The following ZC3H12B variants were observed in gnomAD, a reference collection of about 807,000 sequenced individuals.
ZC3H12B encodes the protein zinc finger CCCH-type containing 12B.
ZC3H12B carries 7 observed loss-of-function variants against 43.9 expected under a neutral mutation model. That is an observed-to-expected ratio of 0.16 (90% CI 0.09 to 0.30). ZC3H12B has a LOEUF of 0.30. Among genes scored for constraint, ZC3H12B ranks in the 10% least tolerant of loss-of-function variants. ZC3H12B has a pLI of 1.00. For synonymous variants in ZC3H12B, 222 were observed against 241.7 expected (o/e 0.92, Z 0.76); for missense variants, 475 against 670.2 (o/e 0.71, Z 3.22).
At chrX:65,257,318 C>T in the ZC3H12B span, among the ~76,000 whole-genome samples, 1 of 111,448 alleles carries the variant, frequency 9.0e-6, no homozygotes, top group Non-Finnish European at 1.9e-5. Context: ...ATGGATGAAG[C>T]TGGAAACCAT....
chrX:65,439,502 T>C (rs1248550893), intron 3 of ZC3H12B, among the ~76,000 whole-genome samples: 3 of 111,685 alleles, frequency 2.7e-5, no homozygotes, highest in Admixed American at 1.9e-4. Context: ...CCTAAACAAG[T>C]ACGTTCATTT....
At chrX:65,195,564 AT>A in the ZC3H12B span, among the ~76,000 whole-genome samples, 1 of 112,277 alleles carries the variant, frequency 8.9e-6, no homozygotes, top group East Asian at 2.8e-4. Flanking sequence ...TTGAAAAGAT[AT>A]TGTATTTTGT....
the ZC3H12B span, among the ~76,000 whole-genome samples, chrX:65,088,788 T>C: frequency 9.0e-6 from 1 of 111,278 alleles, no homozygotes; most frequent in Admixed American, 9.6e-5. Context: ...TTTCCTGTTG[T>C]GTTAGTAAAG....
the ZC3H12B span, among the ~76,000 whole-genome samples, chrX:65,228,957 C>A: frequency 3.6e-5 from 4 of 111,700 alleles, no homozygotes; most frequent in Non-Finnish European, 7.5e-5. Context: ...GGCCATACTG[C>A]CTAAGGTAAT....
the ZC3H12B span, among the ~76,000 whole-genome samples, chrX:65,360,881 T>G: frequency 2.7e-5 from 3 of 112,144 alleles, no homozygotes; most frequent in African/African-American, 9.7e-5. Context: ...GACCTGTATT[T>G]CAGTTCTGGA....
At chrX:65,315,909 G>T in the ZC3H12B span, among the ~76,000 whole-genome samples, 2 of 111,651 alleles carry the variant, frequency 1.8e-5, no homozygotes, top group African/African-American at 6.5e-5. Context: ...CCAATCCAAT[G>T]AACTTAAGGA....
chrX:65,227,629 CTG>C, the ZC3H12B span, among the ~76,000 whole-genome samples: 1 of 110,899 alleles, frequency 9.0e-6, no homozygotes, highest in South Asian at 3.8e-4. Flanking sequence ...AATTGATACA[CTG>C]CTAGCAAGAC....
chrX:65,295,617 C>T, the ZC3H12B span, among the ~76,000 whole-genome samples: 1 of 111,305 alleles, frequency 9.0e-6, no homozygotes, highest in Admixed American at 9.6e-5. Context: ...AAACAAAAAG[C>T]TGGTTCTTTG....
At chrX:65,246,272 A>C in the ZC3H12B span, among the ~76,000 whole-genome samples, 1 of 112,148 alleles carries the variant, frequency 8.9e-6, no homozygotes, top group Middle Eastern at 4.6e-3. Flanking sequence ...GGCACAAAAA[A>C]ATAGAAAAAT....
At chrX:65,243,222 A>G in the ZC3H12B span, among the ~76,000 whole-genome samples, 1 of 112,371 alleles carries the variant, frequency 8.9e-6, no homozygotes, top group Non-Finnish European at 1.9e-5. Flanking sequence ...GCACACTATA[A>G]AACTGACAAT....
chrX:65,366,800 A>G (rs2066180466), intron 1 of ZC3H12B, 34 bp downstream of exon 3: 2 of 112,131 alleles, frequency 1.8e-5, no homozygotes, highest in African/African-American at 6.5e-5. Context: ...ACATATCTAC[A>G]TTTGCACTAT....
At chrX:65,067,563 T>C in the ZC3H12B span, among the ~76,000 whole-genome samples, 2 of 110,116 alleles carry the variant, frequency 1.8e-5, no homozygotes, top group East Asian at 5.7e-4. Context: ...CGCTGGGAGC[T>C]GCAGACTGCA....
the ZC3H12B span, among the ~76,000 whole-genome samples, chrX:65,305,220 G>T: frequency 9.0e-6 from 1 of 111,276 alleles, no homozygotes; most frequent in Admixed American, 9.6e-5. Context: ...AAATCTCAGA[G>T]AAATGGGGAA....
chrX:65,154,520 A>G, the ZC3H12B span, among the ~76,000 whole-genome samples: 10 of 112,104 alleles, frequency 8.9e-5, no homozygotes, highest in African/African-American at 3.3e-4. Context: ...TGTGTCTATA[A>G]TAACAGTTTT....
At chrX:65,247,811 G>A in the ZC3H12B span, among the ~76,000 whole-genome samples, 39 of 111,552 alleles carry the variant, frequency 3.5e-4, no homozygotes, top group South Asian at 0.012. Flanking sequence ...GGGATGATCC[G>A]TGCAGCAAAC....
chrX:65,451,142 G>T (rs949734157), intron 3 of ZC3H12B, among the ~76,000 whole-genome samples: 1 of 109,509 alleles, frequency 9.1e-6, no homozygotes, highest in African/African-American at 3.3e-5. Flanking sequence ...TAGAGATGGG[G>T]TTTCACCGTG....
chrX:65,367,243 G>A (rs1195212069), intron 1 of ZC3H12B, among the ~76,000 whole-genome samples: 1 of 111,808 alleles, frequency 8.9e-6, no homozygotes, highest in Non-Finnish European at 1.9e-5. Flanking sequence ...ACACAAGACT[G>A]ACTCTTTCAT....
At chrX:65,367,261 G>A (rs978421255) in intron 1 of ZC3H12B, among the ~76,000 whole-genome samples, 10 of 111,855 alleles carry the variant, frequency 8.9e-5, no homozygotes, top group African/African-American at 3.2e-4. Flanking sequence ...CATCATGATA[G>A]TTGTGGCAAC....
chrX:65,153,545 A>G, the ZC3H12B span, among the ~76,000 whole-genome samples: 3 of 112,320 alleles, frequency 2.7e-5, no homozygotes, highest in South Asian at 1.1e-3. Context: ...ATCTCACACC[A>G]TTTAGAATGG....
Sources: gnomAD v4.1 joint callset for allele counts (sites outside exome capture counted in the v4.1 genomes callset) on GRCh38, gnomAD v4.1.1 for gene constraint, MANE v1.5 for transcripts, NCBI Gene and HGNC (gene_info 2026-07-23, HGNC 2026-07-21) for gene names.